The following MAF variants were observed in gnomAD, a reference collection of about 807,000 sequenced individuals.
The protein encoded by MAF is MAF bZIP transcription factor.
A neutral mutation model predicts 22.0 loss-of-function variants in MAF; 10 were observed. The observed-to-expected ratio is 0.45, with a 90% confidence interval of 0.28 to 0.77. The LOEUF (loss-of-function observed/expected upper bound fraction) is 0.77, where lower values mean the gene tolerates loss of function less well. Among genes scored for constraint, MAF ranks in the 30% least tolerant of loss-of-function variants. MAF has a pLI of 0.12. For synonymous variants in MAF, 337 were observed against 255.8 expected, an observed-to-expected ratio of 1.32 and a Z score of -3.03; for missense variants, 544 against 548.4, an observed-to-expected ratio of 0.99 and a Z score of 0.08.
the MAF span, among the ~76,000 whole-genome samples, chr16:79,533,929 G>A: frequency 6.6e-6 from 1 of 152,186 alleles, no homozygotes; most frequent in African/African-American, 2.4e-5. Flanking sequence ...AGGGTGCCCA[G>A]AGACAACAGA....
chr16:79,236,335 C>A, the MAF span, among the ~76,000 whole-genome samples: 1 of 151,918 alleles, frequency 6.6e-6, no homozygotes, highest in Non-Finnish European at 1.5e-5. Context: ...CCCTCCCTCT[C>A]CCTCCTCCAG....
At chr16:79,325,686 G>T in the MAF span, among the ~76,000 whole-genome samples, 229 of 152,156 alleles carry the variant, frequency 1.5e-3, 2 homozygotes, top group African/African-American at 5.3e-3. Context: ...AACAAAGCAA[G>T]ATATAAATGC....
the MAF span, among the ~76,000 whole-genome samples, chr16:79,504,944 G>A: frequency 1.3e-5 from 2 of 152,064 alleles, no homozygotes; most frequent in African/African-American, 4.8e-5. Context: ...GTTTCTCAGG[G>A]GTGTCCAATT....
At chr16:79,333,221 G>A in the MAF span, among the ~76,000 whole-genome samples, 4 of 152,288 alleles carry the variant, frequency 2.6e-5, no homozygotes, top group Non-Finnish European at 4.4e-5. Context: ...CTTTGCTGCT[G>A]TATCACTTGG....
chr16:79,595,148 A>G, intron 1 of MAF: 1 of 1,042,478 alleles, frequency 9.6e-7, no homozygotes, highest in Non-Finnish European at 1.2e-6. Context: ...AAGGAAAGAA[A>G]TATCTGAAGT....
At chr16:79,582,751 A>G (rs1912599508), downstream of MAF, among the ~76,000 whole-genome samples, 1 of 152,252 alleles carries the variant, frequency 6.6e-6, no homozygotes, top group Non-Finnish European at 1.5e-5. Flanking sequence ...ATATTGATGT[A>G]ATTAGCTTAA....
At chr16:79,412,015 C>T in the MAF span, among the ~76,000 whole-genome samples, 10 of 152,046 alleles carry the variant, frequency 6.6e-5, no homozygotes, top group Admixed American at 2.0e-4. Flanking sequence ...TCACTTTGTG[C>T]GACACCTTGC....
the MAF span, among the ~76,000 whole-genome samples, chr16:79,478,110 C>A: frequency 1.3e-5 from 2 of 152,144 alleles, no homozygotes; most frequent in Non-Finnish European, 2.9e-5. Flanking sequence ...GAGCACCTTG[C>A]CCACAGCCTC....
the MAF span, among the ~76,000 whole-genome samples, chr16:79,251,370 T>C: frequency 5.2e-3 from 766 of 148,110 alleles, 8 homozygotes; most frequent in African/African-American, 0.019. Flanking sequence ...GGCTGGAGTG[T>C]AATGGCATGA....
the MAF span, among the ~76,000 whole-genome samples, chr16:79,350,866 A>AGTGTGT: frequency 0.032 from 4,723 of 148,480 alleles, 94 homozygotes; most frequent in Non-Finnish European, 0.041. Flanking sequence ...AACAGTGAGA[A>AGTGTGT]GTGTGTGTGT....
the MAF span, among the ~76,000 whole-genome samples, chr16:79,447,568 G>A: frequency 6.6e-6 from 1 of 152,228 alleles, no homozygotes; most frequent in Non-Finnish European, 1.5e-5. Context: ...CCCCTCTGGT[G>A]GATCTGGGCA....
At chr16:79,507,085 T>C in the MAF span, among the ~76,000 whole-genome samples, 1 of 151,126 alleles carries the variant, frequency 6.6e-6, no homozygotes. Flanking sequence ...TATTTAAAAA[T>C]AAACCATGCT....
chr16:79,565,286 T>C, the MAF span, among the ~76,000 whole-genome samples: 9 of 152,316 alleles, frequency 5.9e-5, no homozygotes, highest in Non-Finnish European at 1.3e-4. Context: ...GGCATTCATT[T>C]ACATATTGTC....
the MAF span, among the ~76,000 whole-genome samples, chr16:79,313,501 A>T: frequency 2.0e-5 from 3 of 152,302 alleles, no homozygotes; most frequent in East Asian, 5.8e-4. Flanking sequence ...GACTGTTCCC[A>T]TCACCCAAAG....
At chr16:79,428,168 C>T in the MAF span, among the ~76,000 whole-genome samples, 1 of 145,102 alleles carries the variant, frequency 6.9e-6, no homozygotes, top group Non-Finnish European at 1.5e-5. Flanking sequence ...GTTTAAAAAG[C>T]ACAGCTCTAA....
chr16:79,544,969 G>A, the MAF span, among the ~76,000 whole-genome samples: 1 of 152,024 alleles, frequency 6.6e-6, no homozygotes, highest in East Asian at 1.9e-4. Flanking sequence ...AAGCCTCATG[G>A]GGCTTGAGGT....
chr16:79,407,702 C>T, the MAF span, among the ~76,000 whole-genome samples: 1 of 151,982 alleles, frequency 6.6e-6, no homozygotes, highest in African/African-American at 2.4e-5. Flanking sequence ...TCTCTACTTC[C>T]AGACATATGG....
At chr16:79,279,409 G>C in the MAF span, among the ~76,000 whole-genome samples, 2 of 152,232 alleles carry the variant, frequency 1.3e-5, no homozygotes, top group African/African-American at 4.8e-5. Context: ...GTAAAGGTTA[G>C]TGGCTCTGAG....
chr16:79,577,045 C>T, the MAF span, among the ~76,000 whole-genome samples: 1 of 151,948 alleles, frequency 6.6e-6, no homozygotes, highest in Non-Finnish European at 1.5e-5. Context: ...CGAAATGTGC[C>T]ATCTATTGTT....
Sources: allele counts gnomAD v4.1 joint callset (sites outside exome capture counted in the v4.1 genomes callset), GRCh38; gene constraint gnomAD v4.1.1; transcripts MANE v1.5; gene names NCBI Gene and HGNC (gene_info 2026-07-23, HGNC 2026-07-21).